GRM7: variants seen among roughly 807,000 people sequenced by gnomAD.
GRM7 encodes the protein glutamate metabotropic receptor 7.
GRM7 carries 35 observed loss-of-function variants against 84.5 expected under a neutral mutation model. That is an observed-to-expected ratio of 0.41 (90% CI 0.32 to 0.55). The LOEUF (loss-of-function observed/expected upper bound fraction) is 0.55. Among genes scored for constraint, GRM7 ranks in the 20% least tolerant of loss-of-function variants. The probability of loss-of-function intolerance (pLI) is 0.19; values close to 1 mark genes in which losing one functional copy is unlikely to be tolerated. For missense variants in GRM7, 1,003 were observed against 1,194.6 expected (o/e 0.84, Z 2.36); for synonymous variants, 487 against 455.1 (o/e 1.07, Z -0.89).
chr3:7,671,388 C>G (rs1251793303), intron 8 of GRM7, among the ~76,000 whole-genome samples: 1 of 152,100 alleles, frequency 6.6e-6, no homozygotes, highest in East Asian at 1.9e-4. Context: ...GGCTTCCAGT[C>G]AGGAGAGCAC....
intron 1 of GRM7, among the ~76,000 whole-genome samples, chr3:6,900,869 C>G (rs1406416067): frequency 6.6e-6 from 1 of 152,170 alleles, no homozygotes; most frequent in Admixed American, 6.5e-5. Context: ...CCTGCAAGCA[C>G]CAGGCTGTGG....
intron 4 of GRM7, among the ~76,000 whole-genome samples, chr3:7,323,289 G>A (rs1700856939): frequency 6.6e-6 from 1 of 152,082 alleles, no homozygotes; most frequent in East Asian, 1.9e-4. Flanking sequence ...GAGTAAGAGG[G>A]GAAAGGCACA....
intron 1 of GRM7, among the ~76,000 whole-genome samples, chr3:6,988,994 T>A (rs1052134507): frequency 6.6e-6 from 1 of 152,200 alleles, no homozygotes; most frequent in African/African-American, 2.4e-5. Context: ...TTTTAAATGC[T>A]TGGTCAAACA....
intron 1 of GRM7, among the ~76,000 whole-genome samples, chr3:7,080,974 A>G: frequency 6.6e-6 from 1 of 152,024 alleles, no homozygotes; most frequent in Non-Finnish European, 1.5e-5. Flanking sequence ...CTACACAGTC[A>G]TAAAGACTTC....
chr3:7,529,152 T>G (rs1700927548), intron 7 of GRM7, among the ~76,000 whole-genome samples: 1 of 152,118 alleles, frequency 6.6e-6, no homozygotes. Flanking sequence ...TTCAAAAATA[T>G]TTTGTGGTAA....
chr3:6,861,660 G>T lies in GRM7; in HGVS notation c.272G>T (p.Ser91Ile), dbSNP rs566710739. The T allele has an allele frequency of 6.2e-7, 1 of 1,613,926 alleles. No homozygotes were observed. Among genetic ancestry groups the T allele is most frequent in the Non-Finnish European group, 8.5e-7 (1 of 1,180,000 alleles). The change falls in exon 1 of 10, where the codon AGT (serine) becomes ATT (isoleucine). Residue 91 changes from serine (S) to isoleucine (I), a missense_variant. Around this residue, in one of 2 missense-constraint regions of GRM7, gnomAD observed 910 missense variants for 1,126.0 expected, o/e 0.81. Coordinates refer to ENST00000357716, the MANE Select transcript of GRM7 (RefSeq NM_000844.4). This position sits in a 1 kb window ranked among gnomAD's most constrained non-coding sequence, Gnocchi z 6.4. ...CTCTACGCCCTGGACCAGATCAACA[G>T]TGATCCCAACCTACTGCCCAACGTG... ...AMLYALDQIN[S>I]DPNLLPNVTL...
At position 7,578,811 on chromosome 3, in the gene GRM7, C is replaced by A. The variant is rs573202834; in HGVS notation, c.1905C>A (p.Gly635=). The stretch of plus-strand genomic sequence containing the variant: ...AACTCAGCTATGTTCTTTTGACGGG[C>A]ATCTTTCTTTGCTACATCATCACTT... The part of the protein sequence containing the change: ...GRELSYVLLT[G]IFLCYIITFL... Residue 635 remains glycine (G), a synonymous_variant, in exon 8 of 10, where the codon GGC becomes GGA. Coordinates refer to ENST00000357716, the MANE Select transcript of GRM7 (RefSeq NM_000844.4). The A allele has an allele frequency of 1.2e-6, 2 of 1,614,018 alleles. No individual in the cohort carries two copies. The highest frequency in any genetic ancestry group is 2.7e-5 in the African/African-American group (2 of 74,902).
chr3:6,955,790 C>T (rs1483773621), intron 1 of GRM7, among the ~76,000 whole-genome samples: 3 of 148,872 alleles, frequency 2.0e-5, no homozygotes, highest in Non-Finnish European at 4.4e-5. Flanking sequence ...TGCAATGAGT[C>T]GAGATCATGC....
chr3:7,074,320 G>C (rs1697988578), intron 1 of GRM7, among the ~76,000 whole-genome samples: 1 of 152,076 alleles, frequency 6.6e-6, no homozygotes, highest in African/African-American at 2.4e-5. Flanking sequence ...ACAGAGTTAA[G>C]TTCATTTAGG....
intron 9 of GRM7, among the ~76,000 whole-genome samples, chr3:7,695,576 G>T (rs1266729232): frequency 2.6e-5 from 4 of 152,174 alleles, no homozygotes; most frequent in Non-Finnish European, 5.9e-5. Flanking sequence ...CCATGATCTT[G>T]TGGAGAAGCA....
At chr3:6,991,158 G>A (rs1694621397) in intron 1 of GRM7, among the ~76,000 whole-genome samples, 1 of 152,184 alleles carries the variant, frequency 6.6e-6, no homozygotes, top group South Asian at 2.1e-4. Flanking sequence ...CATTGTGCAT[G>A]AGATTACTTC....
Position 7,634,088 on chromosome 3 carries a change from A to G in GRM7, c.2452-45961A>G, listed in dbSNP as rs938694553. Reference sequence around the variant, plus strand: ...TGGAAATTCTAACATTGTGCTTAGCACATGGTATTTCGCCCAAATGTCCAT... The same window carrying G: ...TGGAAATTCTAACATTGTGCTTAGCGCATGGTATTTCGCCCAAATGTCCAT... On this transcript the variant is annotated intron_variant, in intron 8 of 9. Transcript: ENST00000357716. Among the ~76,000 whole-genome samples the G allele has an allele frequency of 3.3e-5, 5 of 152,108 alleles. No individual in the cohort carries two copies. The East Asian group carries it at 7.7e-4, about 23-fold the overall frequency.
At chr3:6,887,920 A>G (rs931692129) in intron 1 of GRM7, among the ~76,000 whole-genome samples, 3 of 152,154 alleles carry the variant, frequency 2.0e-5, no homozygotes, top group Non-Finnish European at 4.4e-5. Context: ...AATGATTGCC[A>G]TTCTAACTGG....
At chr3:6,929,677 C>G (rs1697430852) in intron 1 of GRM7, among the ~76,000 whole-genome samples, 1 of 152,068 alleles carries the variant, frequency 6.6e-6, no homozygotes, top group African/African-American at 2.4e-5. Context: ...ATGCATATAA[C>G]AGATAAAATG....
At chr3:7,548,495 A>C (rs1436929911) in intron 7 of GRM7, among the ~76,000 whole-genome samples, 1 of 152,256 alleles carries the variant, frequency 6.6e-6, no homozygotes, top group Non-Finnish European at 1.5e-5. Flanking sequence ...ACACAAACAG[A>C]CTAAGACAAT....
Position 7,116,653 on chromosome 3 carries a change from G to GA in GRM7, c.520-29793dup, listed in dbSNP as rs1693044005. Among the ~76,000 whole-genome samples, 3 of 152,254 alleles carry GA rather than the reference G, an allele frequency of 2.0e-5. 1 individual carries two copies. The South Asian group carries it at 6.2e-4, about 32-fold the overall frequency. On this transcript the variant is annotated intron_variant, in intron 1 of 9. Transcript: ENST00000357716. ...AAATAAATTACTGGAGTGGTACCAT[G>GA]AAAAAATAATTCTCCCATAGTTATC...
In GRM7 at chr3:7,216,314, A is replaced by G. The variant is rs146652444; in HGVS notation, c.736+69646A>G. 9.4e-4 allele frequency among the ~76,000 whole-genome samples: 143 copies of G among 152,322 alleles called. 1 individual carries two copies. In the East Asian group the frequency reaches 0.022, roughly 23 times the overall value. The stretch of plus-strand genomic sequence containing the variant: ...TAGCATCATGTTGGTATAATTATAT[A>G]AACAATGAGAGGACTCTACTGATAA... On this transcript the variant is annotated intron_variant, in intron 2 of 9. Transcript: ENST00000357716.
intron 2 of GRM7, among the ~76,000 whole-genome samples, chr3:7,262,739 C>T (rs1319524525): frequency 0.017 from 1 of 58 alleles, no homozygotes; most frequent in Non-Finnish European, 0.029. Flanking sequence ...CTTTGTCACA[C>T]CAGGCTGGAG....
intron 1 of GRM7, among the ~76,000 whole-genome samples, chr3:6,887,857 A>C (rs1695763475): frequency 6.6e-6 from 1 of 152,222 alleles, no homozygotes. Context: ...ACAATGTAAA[A>C]GCATTCCTAT....
Sources: allele counts gnomAD v4.1 joint callset (sites outside exome capture counted in the v4.1 genomes callset), GRCh38; gene constraint gnomAD v4.1.1; regional missense constraint gnomAD v4.1.1; non-coding constraint Gnocchi (gnomAD v3.1); transcripts MANE v1.5; gene names NCBI Gene and HGNC (gene_info 2026-07-23, HGNC 2026-07-21).